The following LARS2 variants were observed in gnomAD, a reference collection of about 807,000 sequenced individuals.
The protein encoded by LARS2 is leucyl-tRNA synthetase 2, mitochondrial.
In LARS2, 81 loss-of-function variants were observed where a neutral mutation model predicts 116.6. The ratio of observed to expected loss-of-function variants is 0.69; its 90% CI spans 0.58 to 0.84. The LOEUF (loss-of-function observed/expected upper bound fraction) is 0.84, where lower values mean the gene tolerates loss of function less well. LARS2 is among the 40% of genes least tolerant of loss of function. LARS2 has a pLI of 0.00. For missense variants in LARS2, 968 were observed against 1,114.5 expected (o/e 0.87, Z 1.87); for synonymous variants, 396 against 407.2 (o/e 0.97, Z 0.33).
At chr3:45,475,287 T>C (rs561662355) in intron 9 of LARS2, among the ~76,000 whole-genome samples, 2 of 152,336 alleles carry the variant, frequency 1.3e-5, no homozygotes, top group East Asian at 1.9e-4. Flanking sequence ...TATAATTCCC[T>C]GTGCAGCCTC....
chr3:45,430,138 A>T (rs1310068901), intron 6 of LARS2, among the ~76,000 whole-genome samples: 2 of 145,314 alleles, frequency 1.4e-5, no homozygotes, highest in African/African-American at 2.5e-5. Flanking sequence ...CGCCTGGCCA[A>T]TTTTTTTTGT....
chr3:45,474,435 G>A, intron 9 of LARS2, 85 bp downstream of exon 9: 1 of 776,010 alleles, frequency 1.3e-6, no homozygotes. Context: ...AGCAACTTGG[G>A]ACTCCACAGC....
At chr3:45,524,250 G>A in intron 20 of LARS2, 142 bp downstream of exon 20, 1 of 601,412 alleles carries the variant, frequency 1.7e-6, no homozygotes, top group Admixed American at 3.0e-5. Flanking sequence ...TCTCTGTCCT[G>A]TACTCTGAAT....
intron 7 of LARS2, among the ~76,000 whole-genome samples, chr3:45,452,627 G>C (rs539271797): frequency 6.6e-6 from 1 of 152,180 alleles, no homozygotes; most frequent in South Asian, 2.1e-4. Flanking sequence ...CTGTTTATTA[G>C]GGATATTGGC....
chr3:45,500,088 G>A (rs1442655869), intron 14 of LARS2, among the ~76,000 whole-genome samples: 1 of 152,086 alleles, frequency 6.6e-6, no homozygotes, highest in East Asian at 1.9e-4. Context: ...TGCAACCTCT[G>A]CCTCCCGGGT....
intron 6 of LARS2, among the ~76,000 whole-genome samples, chr3:45,425,026 G>T (rs1698571579): frequency 6.6e-6 from 1 of 151,970 alleles, no homozygotes; most frequent in African/African-American, 2.4e-5. Context: ...TGTATTTTTA[G>T]ATTTATTATT....
At chr3:45,394,160 G>A (rs1698004974) in intron 2 of LARS2, among the ~76,000 whole-genome samples, 1 of 152,242 alleles carries the variant, frequency 6.6e-6, no homozygotes, top group African/African-American at 2.4e-5. Context: ...TGCAACTTGT[G>A]AGGTTGCGCA....
intron 17 of LARS2, among the ~76,000 whole-genome samples, chr3:45,517,499 C>G (rs761586839): frequency 6.6e-6 from 1 of 152,258 alleles, no homozygotes; most frequent in Non-Finnish European, 1.5e-5. Flanking sequence ...ATGCTATCCA[C>G]AAGGTAAGAG....
At chr3:45,473,285 T>C (rs1308038861) in intron 8 of LARS2, among the ~76,000 whole-genome samples, 3 of 152,212 alleles carry the variant, frequency 2.0e-5, no homozygotes, top group Non-Finnish European at 4.4e-5. Flanking sequence ...TATAAGTATA[T>C]AGCCTATTGA....
intron 7 of LARS2, among the ~76,000 whole-genome samples, chr3:45,451,666 C>T (rs1419531871): frequency 1.3e-5 from 2 of 151,888 alleles, no homozygotes; most frequent in African/African-American, 4.8e-5. Context: ...TGTTTTTGCT[C>T]AGGATTGCTT....
At chr3:45,479,269 A>C (rs1476115576) in intron 10 of LARS2, among the ~76,000 whole-genome samples, 2 of 152,202 alleles carry the variant, frequency 1.3e-5, no homozygotes, top group Non-Finnish European at 2.9e-5. Context: ...TGGGGCTGTC[A>C]GCCAAGGTGG....
intron 8 of LARS2, among the ~76,000 whole-genome samples, chr3:45,466,978 T>G (rs1235355472): frequency 6.6e-6 from 1 of 152,162 alleles, no homozygotes; most frequent in Admixed American, 6.5e-5. Context: ...CTGAGAATCA[T>G]GTGCAGACAA....
chr3:45,477,982 G>A (rs1453557264), intron 10 of LARS2, among the ~76,000 whole-genome samples: 1 of 152,144 alleles, frequency 6.6e-6, no homozygotes, highest in South Asian at 2.1e-4. Flanking sequence ...GGGCATAGAT[G>A]AGCCATTCCA....
intron 7 of LARS2, among the ~76,000 whole-genome samples, chr3:45,452,575 T>A (rs943180254): frequency 6.6e-6 from 1 of 152,188 alleles, no homozygotes; most frequent in African/African-American, 2.4e-5. Flanking sequence ...AATGTGTTGT[T>A]GAATTCTGTT....
intron 8 of LARS2, among the ~76,000 whole-genome samples, chr3:45,469,799 T>A (rs563067157): frequency 1.4e-4 from 22 of 152,102 alleles, no homozygotes; most frequent in Non-Finnish European, 3.1e-4. Flanking sequence ...TTTTTAGAAC[T>A]TAATTATATA....
chr3:45,405,110 A>C (rs559610158), intron 4 of LARS2, among the ~76,000 whole-genome samples: 11 of 149,654 alleles, frequency 7.4e-5, no homozygotes, highest in African/African-American at 2.7e-4. Flanking sequence ...TAGCATGTCA[A>C]GTTTTTTTTT....
chr3:45,544,711 C>T (rs1700850743), intron 21 of LARS2, among the ~76,000 whole-genome samples: 1 of 152,220 alleles, frequency 6.6e-6, no homozygotes, highest in Non-Finnish European at 1.5e-5. Flanking sequence ...CCAGAATCTA[C>T]TCTGAATGGT....
At chr3:45,473,392 G>T (rs935641259) in intron 8 of LARS2, among the ~76,000 whole-genome samples, 6 of 148,074 alleles carry the variant, frequency 4.1e-5, no homozygotes, top group Admixed American at 1.3e-4. Context: ...TTTGTTTTTT[G>T]TTTTTTTTTT....
At chr3:45,398,615 A>G (rs1698089836) in intron 3 of LARS2, among the ~76,000 whole-genome samples, 1 of 152,188 alleles carries the variant, frequency 6.6e-6, no homozygotes, top group Non-Finnish European at 1.5e-5. Context: ...CTTTCTCTCC[A>G]GCCCCTCCAC....
Sources: gnomAD v4.1 joint callset for allele counts (sites outside exome capture counted in the v4.1 genomes callset) on GRCh38, gnomAD v4.1.1 for gene constraint, MANE v1.5 for transcripts, NCBI Gene and HGNC (gene_info 2026-07-23, HGNC 2026-07-21) for gene names.